MIAT: variants seen among roughly 807,000 people sequenced by gnomAD.
MIAT encodes the protein myocardial infarction associated transcript, also known as MI related novel mRNA.
At chr22:26,664,005 CTTT>C (rs202155948) in intron 3 of MIAT, among the ~76,000 whole-genome samples, 1,487 of 115,656 alleles carry the variant, frequency 0.013, 4 homozygotes, top group African/African-American at 0.055. Context: ...CTGTGTTCAG[CTTT>C]TTTTTTTTTT....
chr22:26,662,042 T>C (rs1226633543), intron 2 of MIAT, among the ~76,000 whole-genome samples: 1 of 150,718 alleles, frequency 6.6e-6, no homozygotes, highest in Non-Finnish European at 1.5e-5. Context: ...CTGCAGCCTC[T>C]ACCTCCTGGG....
At chr22:26,658,607 G>T (rs1930545261) in intron 2 of MIAT, among the ~76,000 whole-genome samples, 1 of 150,256 alleles carries the variant, frequency 6.7e-6, no homozygotes, top group Non-Finnish European at 1.5e-5. Flanking sequence ...GAGGGCCCTG[G>T]GGTAGAGAAA....
At chr22:26,668,324 G>A (rs4274) in exon 6 of MIAT, 64,956 of 398,450 alleles carry the variant, frequency 0.16, 6,313 homozygotes, top group East Asian at 0.4. Flanking sequence ...CTGTTGGGAT[G>A]GAGCCTCCCA....
chr22:26,667,348 G>GTGTA, intron 5 of MIAT: 1 of 397,526 alleles, frequency 2.5e-6, no homozygotes, highest in Non-Finnish European at 4.4e-6. Context: ...GTGTGTGTGT[G>GTGTA]TGTGTGCGTG....
chr22:26,673,246 G>C (rs1172146398), downstream of MIAT: 2 of 398,716 alleles, frequency 5.0e-6, no homozygotes, highest in Non-Finnish European at 8.8e-6. Flanking sequence ...GCCTCAGCCA[G>C]CCTCCCCCAG....
At chr22:26,674,038 T>G (rs548336848), downstream of MIAT, 45 of 398,684 alleles carry the variant, frequency 1.1e-4, no homozygotes, top group African/African-American at 8.4e-4. Flanking sequence ...ATATGCCATT[T>G]TGTATAGAGT....
At chr22:26,651,915 C>T (rs780173300) in intron 2 of MIAT, among the ~76,000 whole-genome samples, 8 of 152,178 alleles carry the variant, frequency 5.3e-5, no homozygotes, top group African/African-American at 1.7e-4. Flanking sequence ...AGCATTACAT[C>T]GTGAATGTAC....
rs1323680394 is a variant in MIAT at position 26,665,514 on chromosome 22, C to T, written n.730-17C>T. 2.5e-5 allele frequency: 10 copies of T among 398,558 alleles called. No individual in the cohort carries two copies. The East Asian group carries it at 3.2e-4, about 13-fold the overall frequency. 24.7% of individuals were successfully genotyped at this position (398,558 alleles called of 1,614,324 possible). ...ATCAAGCCAGGCTCCTCTGAGCAGT[C>T]CAGGGTCTATTTACAGAGAGCAGCA... On this transcript the variant is annotated splice_polypyrimidine_tract_variant and intron_variant and non_coding_transcript_variant, in intron 3 of 5. Coordinates refer to ENST00000643270, the Ensembl canonical transcript of MIAT.
chr22:26,661,452 A>G (rs1569220256), intron 2 of MIAT, among the ~76,000 whole-genome samples: 1 of 152,132 alleles, frequency 6.6e-6, no homozygotes, highest in Non-Finnish European at 1.5e-5. Context: ...GTGCTGAGCT[A>G]TTGTATACTC....
exon 6 of MIAT, chr22:26,668,758 G>GGCTTTTCCAT: frequency 2.5e-6 from 1 of 399,414 alleles, no homozygotes; most frequent in Non-Finnish European, 4.4e-6. Context: ...TCCTTGGTGG[G>GGCTTTTCCAT]GCTTTTCCAT....
chr22:26,665,989 T>C (rs1930832381), exon 4 of MIAT: 1 of 398,538 alleles, frequency 2.5e-6, no homozygotes, highest in Non-Finnish European at 4.4e-6. Flanking sequence ...TTTGTGATCA[T>C]ATTTATAAAC....
At chr22:26,673,081 G>T (rs926733196), downstream of MIAT, 7 of 398,580 alleles carry the variant, frequency 1.8e-5, 1 homozygote, top group Non-Finnish European at 3.1e-5. Context: ...TTGAAAAGGG[G>T]TGTGGGGAGG....
downstream of MIAT, chr22:26,672,272 C>T (rs1045796738): frequency 2.5e-6 from 1 of 399,188 alleles, no homozygotes; most frequent in Non-Finnish European, 4.4e-6. Flanking sequence ...TGGTCCCCCT[C>T]CTTTTGGCAA....
chr22:26,675,437 T>A (rs1931226099), exon 5 of MIAT: 1 of 398,544 alleles, frequency 2.5e-6, no homozygotes, highest in Non-Finnish European at 4.4e-6. Flanking sequence ...AGTTTTAGGC[T>A]GGCCATTTGG....
At chr22:26,674,729 G>T in exon 5 of MIAT, 1 of 398,622 alleles carries the variant, frequency 2.5e-6, no homozygotes, top group Non-Finnish European at 4.4e-6. Context: ...GGAAGTGCCT[G>T]CCTGCCATCC....
downstream of MIAT, chr22:26,671,971 C>T (rs773154710): frequency 4.3e-5 from 17 of 398,622 alleles, no homozygotes; most frequent in Non-Finnish European, 6.6e-5. Context: ...GAATCCATGT[C>T]ACTTCCCCAC....
Position 26,665,699 on chromosome 22 carries a change from A to C in MIAT, n.898A>C, listed in dbSNP as rs1014702848. ...TGTGCAGGAAAGTGTAGTATCCTAG[A>C]ATGCCAAAGTGGGAGGGGAAATGGG... On this transcript the variant is annotated non_coding_transcript_exon_variant, in exon 4 of 6. Transcript: ENST00000643270. 1.3e-5 allele frequency: 5 copies of C among 398,498 alleles called. No individual in the cohort carries two copies. In the Admixed American group the frequency reaches 1.8e-4, roughly 14 times the overall value. The allele number at this position is 398,498 out of a possible 1,614,324, so 24.7% of individuals were successfully genotyped here.
intron 2 of MIAT, among the ~76,000 whole-genome samples, chr22:26,652,083 G>A (rs1297293242): frequency 2.0e-5 from 3 of 152,022 alleles, no homozygotes; most frequent in Non-Finnish European, 2.9e-5. Flanking sequence ...AGCCTCTAAC[G>A]CCTAGGCTCA....
At chr22:26,666,750 G>A in exon 4 of MIAT, 2 of 398,770 alleles carry the variant, frequency 5.0e-6, no homozygotes, top group Non-Finnish European at 4.4e-6. Flanking sequence ...CAGCCTCCCT[G>A]GCTCCTGGTC....
Sources: gnomAD v4.1 joint callset for allele counts (sites outside exome capture counted in the v4.1 genomes callset) on GRCh38, gnomAD v4.1.1 for gene constraint, MANE v1.5 for transcripts, NCBI Gene and HGNC (gene_info 2026-07-23, HGNC 2026-07-21) for gene names.